The following FGF14 variants were observed in gnomAD, a reference collection of about 807,000 sequenced individuals.
FGF14 encodes fibroblast growth factor homologous factor 4.
In FGF14, 5 loss-of-function variants were observed where a neutral mutation model predicts 25.5. That is an observed-to-expected ratio of 0.20 (90% CI 0.10 to 0.41). The LOEUF is 0.41. Ranked by LOEUF, FGF14 falls within the 10% of genes least tolerant of loss-of-function variation. The pLI, the probability that FGF14 is intolerant of heterozygous loss-of-function variation, is 1.00. For missense variants in FGF14, 222 were observed against 320.1 expected (o/e 0.69, Z 2.34); for synonymous variants, 138 against 118.3 (o/e 1.17, Z -1.08).
chr13:102,356,215 A>T (rs1171700124), intron 1 of FGF14, among the ~76,000 whole-genome samples: 1 of 152,244 alleles, frequency 6.6e-6, no homozygotes, highest in Non-Finnish European at 1.5e-5. Flanking sequence ...ATCTCAGCTG[A>T]ATGTAAAGCT....
At chr13:102,247,011 T>C (rs535190302) in intron 1 of FGF14, among the ~76,000 whole-genome samples, 1 of 152,232 alleles carries the variant, frequency 6.6e-6, no homozygotes, top group African/African-American at 2.4e-5. Flanking sequence ...ATTCAATAAA[T>C]GGTGCTGGGA....
chr13:102,243,847 C>T (rs1050389021), intron 1 of FGF14, among the ~76,000 whole-genome samples: 2 of 151,912 alleles, frequency 1.3e-5, no homozygotes, highest in Non-Finnish European at 2.9e-5. Context: ...CTATAAAGGA[C>T]AATTCCTCTC....
chr13:102,151,093 T>C (rs1206248218), intron 1 of FGF14, among the ~76,000 whole-genome samples: 1 of 152,242 alleles, frequency 6.6e-6, no homozygotes, highest in Non-Finnish European at 1.5e-5. Flanking sequence ...TTTCCCCAGC[T>C]ATCTGGTGGA....
intron 1 of FGF14, among the ~76,000 whole-genome samples, chr13:102,080,362 G>T (rs979887811): frequency 6.6e-6 from 1 of 152,142 alleles, no homozygotes; most frequent in East Asian, 1.9e-4. Flanking sequence ...GGGTGCCGGC[G>T]ACGTCAAGGA....
chr13:102,093,740 A>G (rs2044269415), intron 1 of FGF14, among the ~76,000 whole-genome samples: 2 of 151,540 alleles, frequency 1.3e-5, no homozygotes, highest in South Asian at 2.1e-4. Context: ...ATTGCTTGGT[A>G]TGTATTACAG....
intron 1 of FGF14, among the ~76,000 whole-genome samples, chr13:102,084,504 A>C (rs1214425849): frequency 1.3e-5 from 2 of 152,152 alleles, no homozygotes. Context: ...ATAGAGATTC[A>C]GGGAGAAACC....
chr13:101,944,633 C>T (rs2035689963), intron 1 of FGF14, among the ~76,000 whole-genome samples: 1 of 152,068 alleles, frequency 6.6e-6, no homozygotes, highest in African/African-American at 2.4e-5. Context: ...GTGGGAGCAA[C>T]CCAAATGTCC....
chr13:102,131,935 G>T (rs973803304), intron 1 of FGF14, among the ~76,000 whole-genome samples: 1 of 152,170 alleles, frequency 6.6e-6, no homozygotes, highest in Non-Finnish European at 1.5e-5. Context: ...AAGATAGGAG[G>T]AATTAAGTAC....
chr13:101,797,304 C>CT (rs1325402183), intron 3 of FGF14, among the ~76,000 whole-genome samples: 2 of 152,022 alleles, frequency 1.3e-5, no homozygotes, highest in Non-Finnish European at 2.9e-5. Context: ...GACAGGGTGG[C>CT]TAGGACAGCT....
At chr13:101,924,387 T>C (rs1310876088) in intron 1 of FGF14, among the ~76,000 whole-genome samples, 1 of 152,142 alleles carries the variant, frequency 6.6e-6, no homozygotes, top group Non-Finnish European at 1.5e-5. Flanking sequence ...TTGTATGCAT[T>C]TGTGCCAAAA....
At chr13:102,267,807 CAT>C (rs1306877608) in intron 1 of FGF14, among the ~76,000 whole-genome samples, 2 of 152,002 alleles carry the variant, frequency 1.3e-5, no homozygotes, top group Admixed American at 6.6e-5. Context: ...AAAATACAAA[CAT>C]AGTAATTTCT....
chr13:101,996,053 C>A (rs1213528802), intron 1 of FGF14, among the ~76,000 whole-genome samples: 2 of 152,074 alleles, frequency 1.3e-5, no homozygotes, highest in African/African-American at 2.4e-5. Context: ...GGGATGGACA[C>A]CCCATTCTCC....
At chr13:102,206,128 A>AACACACACACACACAC (rs59340568) in intron 1 of FGF14, among the ~76,000 whole-genome samples, 1 of 146,954 alleles carries the variant, frequency 6.8e-6, no homozygotes. Context: ...TCAACCTTCA[A>AACACACACACACACAC]ACACACACAC....
chr13:101,944,813 C>G (rs1001111419), intron 1 of FGF14, among the ~76,000 whole-genome samples: 1 of 152,162 alleles, frequency 6.6e-6, no homozygotes, highest in African/African-American at 2.4e-5. Flanking sequence ...ATGATTCCCC[C>G]TTTATAAGGT....
At chr13:102,169,941 T>C (rs747976700) in intron 1 of FGF14, among the ~76,000 whole-genome samples, 1 of 152,284 alleles carries the variant, frequency 6.6e-6, no homozygotes, top group South Asian at 2.1e-4. Context: ...TGATTTAAAT[T>C]TCAATTTAAA....
At chr13:102,067,179 T>C (rs370639405) in intron 1 of FGF14, among the ~76,000 whole-genome samples, 63 of 152,262 alleles carry the variant, frequency 4.1e-4, no homozygotes, top group African/African-American at 1.3e-3. Flanking sequence ...TTTCAACTGA[T>C]AGGATCATCA....
At chr13:102,247,481 GA>G (rs551745596) in intron 1 of FGF14, among the ~76,000 whole-genome samples, 10 of 152,098 alleles carry the variant, frequency 6.6e-5, no homozygotes, top group South Asian at 2.1e-4. Flanking sequence ...ACAAGCCTAT[GA>G]AAAAAACCCT....
intron 1 of FGF14, among the ~76,000 whole-genome samples, chr13:102,220,257 A>G (rs917750617): frequency 2.0e-5 from 3 of 152,212 alleles, no homozygotes; most frequent in African/African-American, 7.2e-5. Context: ...TTCTCTTAAC[A>G]AAAATATGTG....
intron 1 of FGF14, among the ~76,000 whole-genome samples, chr13:102,059,744 A>T (rs1401643026): frequency 1.3e-5 from 2 of 152,086 alleles, no homozygotes; most frequent in African/African-American, 4.8e-5. Flanking sequence ...CCAGCTACTC[A>T]GGAGGCTGAG....
Sources: gnomAD v4.1 joint callset for allele counts (sites outside exome capture counted in the v4.1 genomes callset) on GRCh38, gnomAD v4.1.1 for gene constraint, MANE v1.5 for transcripts, NCBI Gene and HGNC (gene_info 2026-07-23, HGNC 2026-07-21) for gene names.